The following VSIG1 variants were observed in gnomAD, a reference collection of about 807,000 sequenced individuals.
VSIG1 encodes V-set and immunoglobulin domain-containing protein 1.
A neutral mutation model predicts 20.1 loss-of-function variants in VSIG1; 11 were observed. That is an observed-to-expected ratio of 0.55 (90% CI 0.34 to 0.91). The LOEUF is 0.91. VSIG1 is among the 40% of genes least tolerant of loss of function. The probability of loss-of-function intolerance (pLI) is 0.02; values close to 1 mark genes in which losing one functional copy is unlikely to be tolerated. For missense variants in VSIG1, 283 were observed against 298.8 expected (o/e 0.95, Z 0.39); for synonymous variants, 126 against 116.7 (o/e 1.08, Z -0.52).
the VSIG1 span, among the ~76,000 whole-genome samples, chrX:108,020,016 G>A: frequency 9.0e-6 from 1 of 111,389 alleles, no homozygotes; most frequent in Non-Finnish European, 1.9e-5. Flanking sequence ...TGCTCTGGGT[G>A]TTTCCTGCCA....
At chrX:108,052,237 C>T (rs952456768) in intron 1 of VSIG1, among the ~76,000 whole-genome samples, 2 of 110,758 alleles carry the variant, frequency 1.8e-5, no homozygotes, top group Admixed American at 1.9e-4. Flanking sequence ...ATCACCTGTT[C>T]CCCAAAAAAG....
rs893982841 is a variant in VSIG1, at chrX:108,047,847, T to C, written c.49+2668T>C. On this transcript the variant is annotated intron_variant, in intron 1 of 6. Transcript: ENST00000217957. ...ATATATATACACATATATATATACA[T>C]ATATATATACACATATATATATACA... Among the ~76,000 whole-genome samples the C allele has an allele frequency of 1.7e-4, 6 of 36,085 alleles. 1 individual carries two copies. The highest frequency in any genetic ancestry group is 5.4e-4 in the African/African-American group (4 of 7,367). The allele number at this position is 36,085 out of a possible 115,157, so 31.3% of individuals were successfully genotyped here.
chrX:108,043,696 G>A (rs1043473909), upstream of VSIG1, among the ~76,000 whole-genome samples: 1 of 111,801 alleles, frequency 8.9e-6, no homozygotes, highest in African/African-American at 3.3e-5. Flanking sequence ...AGGATAGGCT[G>A]CAAGGAGGAA....
upstream of VSIG1, among the ~76,000 whole-genome samples, chrX:108,040,963 G>A (rs1181194177): frequency 9.2e-6 from 1 of 109,090 alleles, no homozygotes; most frequent in Non-Finnish European, 1.9e-5. Context: ...GGGATTACAT[G>A]TGTGAGTGAA....
chrX:108,047,919 C>T lies in VSIG1; in HGVS notation c.49+2740C>T, dbSNP rs7887140. On this transcript the variant is annotated intron_variant, in intron 1 of 6. Transcript: ENST00000217957. ...ATATATATATACACATATATATATA[C>T]ACATATATATATATACACATATATA... Among the ~76,000 whole-genome samples the T allele has an allele frequency of 4.3e-3, 148 of 34,236 alleles. 16 individuals are homozygous for T. Among genetic ancestry groups the T allele is most frequent in the South Asian group, 0.025 (18 of 717 alleles). 29.7% of individuals were successfully genotyped at this position (34,236 alleles called of 115,157 possible).
At chrX:108,027,294 G>T in the VSIG1 span, among the ~76,000 whole-genome samples, 2 of 112,020 alleles carry the variant, frequency 1.8e-5, no homozygotes, top group African/African-American at 6.5e-5. Flanking sequence ...CTGATGCATG[G>T]ATAAACATAT....
At chrX:108,047,847 T>TATATATACATATATATATATAC (rs1569287100) in intron 1 of VSIG1, among the ~76,000 whole-genome samples, 1 of 36,085 alleles carries the variant, frequency 2.8e-5, no homozygotes, top group African/African-American at 1.4e-4. Context: ...TATATATACA[T>TATATATACATATATATATATAC]ATATATATAC....
At chrX:108,047,590 T>C (rs1008576168) in intron 1 of VSIG1, among the ~76,000 whole-genome samples, 1 of 108,253 alleles carries the variant, frequency 9.2e-6, no homozygotes, top group Non-Finnish European at 1.9e-5. Flanking sequence ...AATGAATCTA[T>C]TATATATGAA....
chrX:108,058,630 C>T (rs807165), intron 2 of VSIG1, among the ~76,000 whole-genome samples: 5,304 of 111,365 alleles, frequency 0.048, 353 homozygotes, highest in African/African-American at 0.16. Context: ...GTCAAGTGAA[C>T]TAGCTCACTG....
At chrX:108,044,694 G>A (rs1230443751), upstream of VSIG1, among the ~76,000 whole-genome samples, 1 of 111,763 alleles carries the variant, frequency 8.9e-6, no homozygotes, top group African/African-American at 3.3e-5. Flanking sequence ...ATTTGTAAAA[G>A]GAGGTTAGTG....
At chrX:108,042,936 C>T (rs1348983186), upstream of VSIG1, among the ~76,000 whole-genome samples, 2 of 110,659 alleles carry the variant, frequency 1.8e-5, no homozygotes, top group Non-Finnish European at 3.8e-5. Context: ...TAACATGGAG[C>T]TGCTGTCTGC....
the VSIG1 span, among the ~76,000 whole-genome samples, chrX:108,034,619 A>G: frequency 8.9e-6 from 1 of 112,723 alleles, no homozygotes; most frequent in African/African-American, 3.2e-5. Context: ...TTTTGCATTT[A>G]TACCACAAGC....
chrX:108,051,081 G>A (rs901221654), intron 1 of VSIG1, among the ~76,000 whole-genome samples: 1 of 111,082 alleles, frequency 9.0e-6, no homozygotes, highest in Non-Finnish European at 1.9e-5. Context: ...GGTAAGGGGG[G>A]ATCTTCAGAA....
the VSIG1 span, among the ~76,000 whole-genome samples, chrX:108,028,301 A>G: frequency 9.0e-6 from 1 of 110,585 alleles, no homozygotes; most frequent in Admixed American, 9.6e-5. Context: ...CTAAGGAAAC[A>G]GTAATTTATT....
chrX:108,042,077 C>T (rs899052066), upstream of VSIG1, among the ~76,000 whole-genome samples: 1 of 111,719 alleles, frequency 9.0e-6, no homozygotes. Flanking sequence ...TATTTCGTGT[C>T]CTAGTTAATG....
Position 108,077,306 on chromosome X carries a change from G to A in VSIG1, c.1089G>A (p.Glu363=), listed in dbSNP as rs749589259. 3 of 1,212,096 alleles carry A rather than the reference G, an allele frequency of 2.5e-6. No homozygotes were observed. Among genetic ancestry groups the A allele is most frequent in the African/African-American group, 1.7e-5 (1 of 57,875 alleles). ...ETQSELEPEP[E]PEPESEPGVV... The stretch of plus-strand genomic sequence containing the variant: ...AGTCGGAATTGGAGCCAGAGCCAGA[G>A]CCAGAGCCAGAGTCAGAGCCTGGGG... The change falls in exon 7 of 7, where the codon GAG becomes GAA. Residue 363 remains glutamate, a synonymous_variant. Coordinates refer to ENST00000217957, the MANE Select transcript of VSIG1 (RefSeq NM_182607.5).
At chrX:108,027,184 G>T in the VSIG1 span, among the ~76,000 whole-genome samples, 90 of 111,504 alleles carry the variant, frequency 8.1e-4, 4 homozygotes, top group East Asian at 0.023. Flanking sequence ...TATACCTAAA[G>T]AAATTGAAAA....
At chrX:108,074,225 C>A (rs1319451579) in intron 5 of VSIG1, among the ~76,000 whole-genome samples, 1 of 112,201 alleles carries the variant, frequency 8.9e-6, no homozygotes, top group Non-Finnish European at 1.9e-5. Context: ...TCCTATGCAC[C>A]TGAACTTTCT....
chrX:108,077,711 C>A lies in VSIG1; in HGVS notation c.*330C>A. On this transcript the variant is annotated 3_prime_UTR_variant, in exon 7 of 7. Transcript: ENST00000217957. ...TATTATTTCTCTCTTTTTAACTACT[C>A]TTTTTTTTTATTTTAGACAGAGTCT... 1 of 209,319 alleles carries A rather than the reference C, an allele frequency of 4.8e-6. No individual in the cohort carries two copies. Among genetic ancestry groups the A allele is most frequent in the Middle Eastern group, 1.6e-3 (1 of 620 alleles). 17.3% of individuals were successfully genotyped at this position (209,319 alleles called of 1,213,427 possible). A position where few individuals can be genotyped will look rare whatever the true frequency, so the allele number is the denominator to read the frequency against.
Sources: allele counts gnomAD v4.1 joint callset (sites outside exome capture counted in the v4.1 genomes callset), GRCh38; gene constraint gnomAD v4.1.1; transcripts MANE v1.5; gene names NCBI Gene and HGNC (gene_info 2026-07-23, HGNC 2026-07-21).